The following MYT1 variants were observed in gnomAD, a reference collection of about 807,000 sequenced individuals.
The protein encoded by MYT1 is myelin transcription factor I.
MYT1 carries 23 observed loss-of-function variants against 123.0 expected under a neutral mutation model. The observed-to-expected ratio is 0.19, with a 90% CI of 0.13 to 0.26. MYT1 has a LOEUF of 0.26. Ranked by LOEUF, MYT1 falls within the 10% of genes least tolerant of loss-of-function variation. The probability of loss-of-function intolerance (pLI) is 1.00; values close to 1 mark genes in which losing one functional copy is unlikely to be tolerated. For synonymous variants in MYT1, 518 were observed against 575.3 expected (o/e 0.90, Z 1.43); for missense variants, 1,125 against 1,472.5 (o/e 0.76, Z 3.86).
At chr20:64,187,668 AG>A in intron 1 of MYT1, among the ~76,000 whole-genome samples, 1 of 152,272 alleles carries the variant, frequency 6.6e-6, no homozygotes, top group Non-Finnish European at 1.5e-5. Context: ...GGCCATACAC[AG>A]GCCCCAGTAG....
chr20:64,190,686 G>A lies in MYT1; in HGVS notation c.-1+526G>A, dbSNP rs1427557618. On this transcript the variant is annotated intron_variant, in intron 2 of 22. Coordinates refer to ENST00000328439, the MANE Select transcript of MYT1 (RefSeq NM_004535.3). This position sits in a 1 kb window ranked among gnomAD's most constrained non-coding sequence, Gnocchi z 4.1. ...TGCAGATCTTATCTCAGAAGTAAAG[G>A]GACTAGGAATGGTGGCTTTTATCTC... Among the ~76,000 whole-genome samples the A allele has an allele frequency of 7.0e-6, 1 of 142,982 alleles. No homozygotes were observed. Among genetic ancestry groups the A allele is most frequent in the African/African-American group, 2.7e-5 (1 of 37,700 alleles). 93.8% of individuals were successfully genotyped at this position (142,982 alleles called of 152,430 possible). A position where few individuals can be genotyped will look rare whatever the true frequency, so the allele number is the denominator to read the frequency against.
Position 64,201,380 on chromosome 20 carries a change from C to T in MYT1, c.86+1458C>T, listed in dbSNP as rs576909429. 4.6e-5 allele frequency among the ~76,000 whole-genome samples: 7 copies of T among 152,184 alleles called. No individual in the cohort carries two copies. The South Asian group carries it at 1.5e-3, about 32-fold the overall frequency. ...CTGACATATTTGGTAATAGTGAGAC[C>T]CTTAAACTTTTTAATGGAGAAACTA... On this transcript the variant is annotated intron_variant, in intron 4 of 22. Coordinates refer to ENST00000328439, the MANE Select transcript of MYT1 (RefSeq NM_004535.3).
intron 2 of MYT1, among the ~76,000 whole-genome samples, chr20:64,195,224 G>T (rs1983075577): frequency 6.6e-6 from 1 of 151,992 alleles, no homozygotes; most frequent in Non-Finnish European, 1.5e-5. Context: ...TTTCAAGATT[G>T]CTTACTGCAT....
chr20:64,170,342 C>T (rs191889527), intron 1 of MYT1, among the ~76,000 whole-genome samples: 14 of 152,234 alleles, frequency 9.2e-5, no homozygotes, highest in African/African-American at 1.7e-4. Flanking sequence ...GCTTGCTTTC[C>T]GGGAGAGCCT....
rs117718177 is a variant in MYT1 at position 64,199,877 on chromosome 20, C to T, written c.56-15C>T. 6.2e-7 allele frequency: 1 copy of T among 1,613,868 alleles called. No individual in the cohort carries two copies. The highest frequency in any genetic ancestry group is 2.2e-5 in the East Asian group (1 of 44,882). On this transcript the variant is annotated splice_polypyrimidine_tract_variant and intron_variant, in intron 3 of 22. Transcript: ENST00000328439. ...CAATTCCCACATGTTTTCCCTGTTTCTGTCTTTTTCCCAGGACCCCCAGAG... is the reference window on the plus strand; with the variant it reads ...CAATTCCCACATGTTTTCCCTGTTTTTGTCTTTTTCCCAGGACCCCCAGAG...
At chr20:64,228,004 T>C (rs776132201) in intron 18 of MYT1, 33 bp downstream of exon 18, 3 of 1,594,832 alleles carry the variant, frequency 1.9e-6, no homozygotes, top group South Asian at 2.2e-5. Flanking sequence ...TTTCATTGCA[T>C]TGCGGAATTG....
chr20:64,234,827 G>A (rs530164785), intron 19 of MYT1, among the ~76,000 whole-genome samples: 34 of 144,154 alleles, frequency 2.4e-4, no homozygotes, highest in African/African-American at 8.1e-4. Flanking sequence ...GGGTGACCCC[G>A]AGCTGGCTGT....
intron 1 of MYT1, among the ~76,000 whole-genome samples, chr20:64,179,889 C>T (rs377367948): frequency 6.8e-4 from 103 of 151,102 alleles, no homozygotes; most frequent in Middle Eastern, 3.4e-3. Flanking sequence ...GTTACACACA[C>T]GCTACACAGT....
chr20:64,219,914 C>T lies in MYT1; in HGVS notation c.2173C>T (p.Gln725Ter). The change falls in exon 13 of 23, where the codon CAG (glutamine) becomes TAG (stop). Residue 725 changes from glutamine to a stop codon, truncating the protein, a stop_gained. Coordinates refer to ENST00000328439, the MANE Select transcript of MYT1 (RefSeq NM_004535.3). LOFTEE classifies it high-confidence loss of function. ...TSPQSSQASR[Q>*]DEWDRPLDYT... ...TCCCCAGTCCAGCCAGGCCTCCCGC[C>T]AGGACGAGTGGGACCGGCCCCTGGA... The T allele has an allele frequency of 6.4e-7, 1 of 1,564,390 alleles. No individual in the cohort carries two copies. The highest frequency in any genetic ancestry group is 8.7e-7 in the Non-Finnish European group (1 of 1,154,566).
chr20:64,236,030 TGGGTGACCCTGGGATGGTCGC>T (rs1984525975), intron 19 of MYT1, among the ~76,000 whole-genome samples: 2 of 111,238 alleles, frequency 1.8e-5, no homozygotes, highest in African/African-American at 8.4e-5. Context: ...CTGGCCGCGG[TGGGTGACCCTGGGATGGTCGC>T]GGTGGGTGAC....
rs1485678245 is a variant in MYT1, at chr20:64,241,774, G to A, written c.*1326G>A. 1 of 152,524 alleles carries A rather than the reference G, an allele frequency of 6.6e-6. No homozygotes were observed. The highest frequency in any genetic ancestry group is 1.5e-5 in the Non-Finnish European group (1 of 68,016). 9.4% of individuals were successfully genotyped at this position (152,524 alleles called of 1,614,324 possible). A position where few individuals can be genotyped will look rare whatever the true frequency, so the allele number is the denominator to read the frequency against. On this transcript the variant is annotated 3_prime_UTR_variant, in exon 23 of 23. Transcript: ENST00000328439. The surrounding 1 kb of genome is among the most constrained non-coding windows in gnomAD (Gnocchi z 4.2). ...TATAACTCCTAGTTATAATTTTGATGCAACCAAGTTATTTTTTATATATTT... is the reference window on the plus strand; with the variant it reads ...TATAACTCCTAGTTATAATTTTGATACAACCAAGTTATTTTTTATATATTT...
chr20:64,209,057 G>A (rs1380825933), intron 7 of MYT1, among the ~76,000 whole-genome samples: 1 of 152,144 alleles, frequency 6.6e-6, no homozygotes, highest in Non-Finnish European at 1.5e-5. Flanking sequence ...AGTGGCTGAT[G>A]TTGAGGTGAG....
intron 1 of MYT1, among the ~76,000 whole-genome samples, chr20:64,174,460 C>T (rs482250): frequency 9.4e-3 from 1 of 106 alleles, no homozygotes; most frequent in Non-Finnish European, 0.014. Context: ...TGTGTCCATT[C>T]CCCCTCCCTG....
chr20:64,213,586 A>AAGC lies in MYT1; in HGVS notation c.1577_1579dup (p.Gln526dup). The AAGC allele has an allele frequency of 6.2e-7, 1 of 1,614,016 alleles. No individual in the cohort carries two copies. Among genetic ancestry groups the AAGC allele is most frequent in the Non-Finnish European group, 8.5e-7 (1 of 1,179,974 alleles). On this transcript the variant is annotated inframe_insertion, in exon 10 of 23. Coordinates refer to ENST00000328439, the MANE Select transcript of MYT1 (RefSeq NM_004535.3). This position sits in a 1 kb window ranked among gnomAD's most constrained non-coding sequence, Gnocchi z 5.6. Reference sequence around the variant, plus strand: ...CGAAAAATTAGCCAAATCCCATGAGAAGCAGCAGCCGCAGACAGGAGATCC... The same window carrying AAGC: ...CGAAAAATTAGCCAAATCCCATGAGAAGCAGCAGCAGCCGCAGACAGGAGATCC...
Position 64,213,508 on chromosome 20 carries a change from G to A in MYT1, c.1518-26G>A, listed in dbSNP as rs1983744048. 3.1e-6 allele frequency: 5 copies of A among 1,590,684 alleles called. No individual in the cohort carries two copies. The highest frequency in any genetic ancestry group is 4.3e-6 in the Non-Finnish European group (5 of 1,159,232). On this transcript the variant is annotated intron_variant, in intron 9 of 22. Transcript: ENST00000328439. The surrounding 1 kb of genome is among the most constrained non-coding windows in gnomAD (Gnocchi z 5.6). ...GGACAGGCATGGAGGGGAAGGCTCAGAAACCCCTCCTCTTCCTTCCTCTAG... is the reference window on the plus strand; with the variant it reads ...GGACAGGCATGGAGGGGAAGGCTCAAAAACCCCTCCTCTTCCTTCCTCTAG...
At chr20:64,205,865 T>A in intron 6 of MYT1, 65 bp downstream of exon 6, 2 of 1,579,098 alleles carry the variant, frequency 1.3e-6, no homozygotes, top group South Asian at 1.2e-5. Flanking sequence ...AATTGCAGCC[T>A]GTGAGCGGGG....
rs1445531444 is a variant in MYT1 at position 64,166,113 on chromosome 20, C to T, written c.-99+1374C>T. ...GGGCTCCCCTCCCATTGGTCCTTGG[C>T]TGTGATTATCGCCTCCTTCCATATG... On this transcript the variant is annotated intron_variant, in intron 1 of 22. Coordinates refer to ENST00000328439, the MANE Select transcript of MYT1 (RefSeq NM_004535.3). The surrounding 1 kb of genome is among the most constrained non-coding windows in gnomAD (Gnocchi z 4.9). 6.6e-6 allele frequency among the ~76,000 whole-genome samples: 1 copy of T among 152,156 alleles called. No individual in the cohort carries two copies. Among genetic ancestry groups the T allele is most frequent in the Non-Finnish European group, 1.5e-5 (1 of 68,022 alleles).
At chr20:64,236,208 T>G (rs1601726984) in intron 19 of MYT1, among the ~76,000 whole-genome samples, 3 of 133,704 alleles carry the variant, frequency 2.2e-5, no homozygotes, top group South Asian at 2.6e-4. Context: ...TGGGTGACCC[T>G]GGGCTGGCTG....
Position 64,218,739 on chromosome 20 carries a change from C to A in MYT1, c.1847-172C>A. 1.3e-3 allele frequency: 766 copies of A among 606,896 alleles called. No individual in the cohort carries two copies. Among genetic ancestry groups the A allele is most frequent in the East Asian group, 1.7e-3 (46 of 26,926 alleles). The allele number at this position is 606,896 out of a possible 1,614,324, so 37.6% of individuals were successfully genotyped here. ...ATAGCTGTGCCCTGGGCCCTCCCAT[C>A]CCTCCCAAAGTGCCCCCTCCCCACT... On this transcript the variant is annotated intron_variant, in intron 11 of 22. Transcript: ENST00000328439. This position sits in a 1 kb window ranked among gnomAD's most constrained non-coding sequence, Gnocchi z 4.0.
Sources: gnomAD v4.1 joint callset for allele counts (sites outside exome capture counted in the v4.1 genomes callset) on GRCh38, gnomAD v4.1.1 for gene constraint, Gnocchi (gnomAD v3.1) non-coding constraint, MANE v1.5 for transcripts, NCBI Gene and HGNC (gene_info 2026-07-23, HGNC 2026-07-21) for gene names.